Variants in ABI3BP observed in about 807,000 individuals in gnomAD.
The protein encoded by ABI3BP is target of Nesh-SH3.
ABI3BP carries 216 observed loss-of-function variants against 268.6 expected under a neutral mutation model. The ratio of observed to expected loss-of-function variants is 0.80; its 90% CI spans 0.72 to 0.90. ABI3BP has a LOEUF of 0.90. Among genes scored for constraint, ABI3BP ranks in the 40% least tolerant of loss-of-function variants. ABI3BP has a pLI of 0.00. For missense variants in ABI3BP, 2,090 were observed against 2,182.4 expected (o/e 0.96, Z 0.84); for synonymous variants, 730 against 730.0 (o/e 1.00, Z 0.00).
intron 52 of ABI3BP, 104 bp from the exon 53 acceptor site, chr3:100,795,955 T>G (rs2097333809): frequency 3.8e-6 from 3 of 798,102 alleles, no homozygotes; most frequent in Non-Finnish European, 5.0e-6. Context: ...ATAATTTAAA[T>G]GTTCTCTAAG....
intron 1 of ABI3BP, among the ~76,000 whole-genome samples, chr3:100,973,444 G>GT (rs1485304670): frequency 6.6e-6 from 1 of 152,052 alleles, no homozygotes; most frequent in African/African-American, 2.4e-5. Flanking sequence ...TAAGCTCTGG[G>GT]TTTTTTCAAT....
At chr3:100,859,692 C>T (rs959041457) in intron 14 of ABI3BP, among the ~76,000 whole-genome samples, 4 of 152,052 alleles carry the variant, frequency 2.6e-5, no homozygotes, top group Non-Finnish European at 2.9e-5. Flanking sequence ...TGAAATGTAA[C>T]GTAAGTTAGG....
At position 100,749,690 on chromosome 3, in the gene ABI3BP, A is replaced by G. The variant is rs1236500977; in HGVS notation, c.*805T>C. 1 of 398,476 alleles carries G rather than the reference A, an allele frequency of 2.5e-6. No homozygotes were observed. Among genetic ancestry groups the G allele is most frequent in the Non-Finnish European group, 4.4e-6 (1 of 225,836 alleles). The allele number at this position is 398,476 out of a possible 1,614,324, so 24.7% of individuals were successfully genotyped here. A position where few individuals can be genotyped will look rare whatever the true frequency, so the allele number is the denominator to read the frequency against. ...TCTTTTTGTGCTCAGACTTGACTTC[A>G]CATTCAGTCTCTACATACAGCTTGA... On this transcript the variant is annotated 3_prime_UTR_variant, in exon 68 of 68. Transcript: ENST00000471714.
intron 14 of ABI3BP, among the ~76,000 whole-genome samples, chr3:100,859,606 A>C (rs2098975223): frequency 2.0e-5 from 3 of 152,222 alleles, no homozygotes; most frequent in Admixed American, 2.0e-4. Flanking sequence ...ATCAAAACAA[A>C]GGCTGAAATA....
intron 2 of ABI3BP, among the ~76,000 whole-genome samples, chr3:100,915,235 G>C (rs1388734993): frequency 2.0e-5 from 3 of 152,146 alleles, no homozygotes; most frequent in Admixed American, 6.6e-5. Context: ...CCACCCCCCA[G>C]GGTAGAAAAG....
At chr3:100,777,150 A>G (rs1263875740) in intron 59 of ABI3BP, among the ~76,000 whole-genome samples, 2 of 152,224 alleles carry the variant, frequency 1.3e-5, no homozygotes, top group Non-Finnish European at 2.9e-5. Flanking sequence ...CTCCATCACA[A>G]CAGCCTCCTT....
At chr3:100,775,673 A>G (rs1398741765) in intron 59 of ABI3BP, among the ~76,000 whole-genome samples, 1 of 152,156 alleles carries the variant, frequency 6.6e-6, no homozygotes, top group Non-Finnish European at 1.5e-5. Context: ...ATAGAGGAGA[A>G]GTTATTGGTA....
intron 50 of ABI3BP, 55 bp from the exon 51 acceptor site, chr3:100,804,921 G>A: frequency 1.4e-6 from 2 of 1,420,592 alleles, no homozygotes. Flanking sequence ...TTCCAGTCAT[G>A]CTTAAAACAT....
At chr3:100,798,189 C>CT (rs1368015987) in intron 51 of ABI3BP, among the ~76,000 whole-genome samples, 1 of 152,150 alleles carries the variant, frequency 6.6e-6, no homozygotes, top group African/African-American at 2.4e-5. Context: ...CTCTAGTTTA[C>CT]TGAGGAATTT....
rs1258070757 is a variant in ABI3BP at position 100,847,613 on chromosome 3, C to T, written c.1637G>A (p.Trp546Ter). Reference protein sequence around the residue: ...PKISKSPEPTWTTPAPGKTQF... With the variant: ...PKISKSPEPT ...CATATCATTATTACCCGGTGTTGTCCATGTAGGTTCAGGGCTTTTAGAAAT... is the reference window on the plus strand; with the variant it reads ...CATATCATTATTACCCGGTGTTGTCTATGTAGGTTCAGGGCTTTTAGAAAT... Residue 546 changes from tryptophan to a stop codon, truncating the protein, a stop_gained, in exon 19 of 68, where the codon TGG (tryptophan) becomes TAG (stop). Coordinates refer to ENST00000471714, the MANE Select transcript of ABI3BP (RefSeq NM_001375547.2). LOFTEE classifies it high-confidence loss of function. 1.9e-6 allele frequency: 3 copies of T among 1,612,774 alleles called. No individual in the cohort carries two copies. The highest frequency in any genetic ancestry group is 1.7e-5 in the Admixed American group (1 of 59,986).
At chr3:100,855,491 G>A (rs1163951609) in intron 14 of ABI3BP, among the ~76,000 whole-genome samples, 1 of 152,122 alleles carries the variant, frequency 6.6e-6, no homozygotes, top group Non-Finnish European at 1.5e-5. Flanking sequence ...TGCTTATCAC[G>A]ACTTACTTAA....
At chr3:100,981,336 C>A (rs778803677) in intron 1 of ABI3BP, among the ~76,000 whole-genome samples, 3 of 151,834 alleles carry the variant, frequency 2.0e-5, no homozygotes, top group Non-Finnish European at 2.9e-5. Context: ...AGGACATGGG[C>A]CAAAGTGGTC....
intron 10 of ABI3BP, 26 bp from the exon 11 acceptor site, chr3:100,864,933 C>T: frequency 1.3e-6 from 2 of 1,565,268 alleles, no homozygotes; most frequent in Non-Finnish European, 1.7e-6. Flanking sequence ...CACAACTTTA[C>T]AAATTAAGAT....
Position 100,886,167 on chromosome 3 carries a change from A to T in ABI3BP, c.618T>A (p.Ile206=). 1 of 1,599,320 alleles carries T rather than the reference A, an allele frequency of 6.3e-7. No individual in the cohort carries two copies. The highest frequency in any genetic ancestry group is 2.3e-5 in the East Asian group (1 of 44,214). Residue 206 remains isoleucine (I), a synonymous_variant, in exon 5 of 68, where the codon ATT becomes ATA. Transcript: ENST00000471714. ...DNVEGGIWSK[I]FNHKTVVGSK... Reference sequence around the variant, plus strand: ...TTCCAACAACAGTCTTGTGATTGAAAATCTTACTCCAAATTCCACCTTCCA... The same window carrying T: ...TTCCAACAACAGTCTTGTGATTGAATATCTTACTCCAAATTCCACCTTCCA...
intron 6 of ABI3BP, among the ~76,000 whole-genome samples, chr3:100,877,370 G>C (rs1554044514): frequency 6.6e-6 from 1 of 152,156 alleles, no homozygotes; most frequent in Non-Finnish European, 1.5e-5. Flanking sequence ...GCTCAAGAAA[G>C]CACAGCAAGG....
chr3:100,763,632 T>C (rs1056220495), intron 63 of ABI3BP, among the ~76,000 whole-genome samples: 1 of 152,092 alleles, frequency 6.6e-6, no homozygotes, highest in Non-Finnish European at 1.5e-5. Context: ...GGCCATACTG[T>C]CTTTCAGTGT....
At chr3:100,930,928 A>G (rs2063417047) in intron 1 of ABI3BP, 1 of 152,170 alleles carries the variant, frequency 6.6e-6, no homozygotes, top group African/African-American at 2.4e-5. Flanking sequence ...ATGAACATAG[A>G]TGCAGAAATC....
intron 3 of ABI3BP, among the ~76,000 whole-genome samples, chr3:100,900,279 A>G (rs893162365): frequency 6.6e-6 from 1 of 152,264 alleles, no homozygotes; most frequent in Non-Finnish European, 1.5e-5. Context: ...GAAGGCAGGG[A>G]ACACTTATAG....
intron 12 of ABI3BP, 50 bp downstream of exon 12, chr3:100,863,952 C>T: frequency 8.0e-7 from 1 of 1,249,674 alleles, no homozygotes; most frequent in African/African-American, 1.5e-5. Context: ...TTGAAGCATG[C>T]ATACAATATC....
Sources: allele counts gnomAD v4.1 joint callset (sites outside exome capture counted in the v4.1 genomes callset), GRCh38; gene constraint gnomAD v4.1.1; transcripts MANE v1.5; gene names NCBI Gene and HGNC (gene_info 2026-07-23, HGNC 2026-07-21).